Variants in ASPRV1 observed in about 807,000 individuals in gnomAD.
The protein encoded by ASPRV1 is retroviral-like aspartic protease 1.
Under a neutral mutation model 11.0 loss-of-function variants are expected in ASPRV1, and 7 were observed. The ratio of observed to expected loss-of-function variants is 0.64; its 90% CI spans 0.36 to 1.20. The LOEUF (loss-of-function observed/expected upper bound fraction) is 1.20, where lower values mean the gene tolerates loss of function less well. Ranked by LOEUF, ASPRV1 falls within the 50% of genes most tolerant of loss-of-function variation. ASPRV1 has a pLI of 0.02. For missense variants in ASPRV1, 299 were observed against 320.0 expected, an observed-to-expected ratio of 0.93 and a Z score of 0.50; for synonymous variants, 136 against 138.4, an observed-to-expected ratio of 0.98 and a Z score of 0.12.
chr2:70,055,446 G>A, the ASPRV1 span, among the ~76,000 whole-genome samples: 2 of 152,296 alleles, frequency 1.3e-5, no homozygotes, highest in East Asian at 3.9e-4. Flanking sequence ...GGAATACTAT[G>A]CAGCCATAAA....
chr2:70,007,638 T>G, the ASPRV1 span, among the ~76,000 whole-genome samples: 2 of 152,106 alleles, frequency 1.3e-5, no homozygotes, highest in East Asian at 3.9e-4. Context: ...ATGATACACA[T>G]GCAGAAAAGT....
upstream of ASPRV1, chr2:69,964,300 G>T (rs1159300819): frequency 2.2e-6 from 1 of 450,936 alleles, no homozygotes; most frequent in Non-Finnish European, 4.4e-6. Flanking sequence ...TGGCCCTTCG[G>T]GCTGTGTCTG....
At chr2:69,993,882 CTGTT>C in the ASPRV1 span, 1 of 152,208 alleles carries the variant, frequency 6.6e-6, no homozygotes, top group South Asian at 2.1e-4. Context: ...CCCTTCCAGG[CTGTT>C]TGTTTTGCAG....
the ASPRV1 span, chr2:69,941,862 A>G: frequency 2.7e-5 from 4 of 146,874 alleles, no homozygotes; most frequent in African/African-American, 1.0e-4. Flanking sequence ...GTATCTATAT[A>G]TACACACACA....
the ASPRV1 span, among the ~76,000 whole-genome samples, chr2:70,063,669 G>A: frequency 2.0e-5 from 3 of 152,124 alleles, no homozygotes; most frequent in Non-Finnish European, 4.4e-5. Flanking sequence ...GAAAAGTTAA[G>A]GTAGGATTTC....
chr2:70,036,175 T>C, the ASPRV1 span, among the ~76,000 whole-genome samples: 44 of 151,584 alleles, frequency 2.9e-4, no homozygotes, highest in Admixed American at 7.2e-4. Flanking sequence ...AGTGAAGAGG[T>C]GGGCAGAAAA....
the ASPRV1 span, among the ~76,000 whole-genome samples, chr2:70,065,568 G>T: frequency 6.6e-6 from 1 of 152,062 alleles, no homozygotes; most frequent in South Asian, 2.1e-4. Flanking sequence ...TCATTAGATA[G>T]TCAAGGGAAG....
At chr2:70,022,725 T>C in the ASPRV1 span, among the ~76,000 whole-genome samples, 2 of 152,064 alleles carry the variant, frequency 1.3e-5, no homozygotes, top group East Asian at 1.9e-4. Context: ...TTGGAGGTAA[T>C]GGATAAGTTT....
the ASPRV1 span, chr2:70,049,932 A>C: frequency 4.6e-5 from 7 of 152,226 alleles, no homozygotes; most frequent in African/African-American, 1.4e-4. Context: ...AACAGATTAA[A>C]GGTTCTTGCT....
chr2:70,086,310 G>A, the ASPRV1 span: 1 of 152,230 alleles, frequency 6.6e-6, no homozygotes, highest in Non-Finnish European at 1.5e-5. Context: ...TAAGGAACAG[G>A]GGAGGCGGAG....
chr2:69,965,998 C>T (rs907008308), upstream of ASPRV1, among the ~76,000 whole-genome samples: 12 of 152,196 alleles, frequency 7.9e-5, no homozygotes, highest in African/African-American at 2.7e-4. Context: ...CCCCTCTAAC[C>T]AAAGTGGCCC....
At chr2:69,984,829 G>C in the ASPRV1 span, among the ~76,000 whole-genome samples, 263 of 150,428 alleles carry the variant, frequency 1.7e-3, no homozygotes, top group African/African-American at 6.0e-3. Context: ...ATGTTGGACA[G>C]GCTGGTCTCA....
the ASPRV1 span, among the ~76,000 whole-genome samples, chr2:70,025,830 T>C: frequency 6.6e-6 from 1 of 152,208 alleles, no homozygotes; most frequent in Non-Finnish European, 1.5e-5. Context: ...CCAGGACACT[T>C]GACCAGGCAT....
chr2:70,037,792 C>A, the ASPRV1 span, among the ~76,000 whole-genome samples: 1 of 151,412 alleles, frequency 6.6e-6, no homozygotes, highest in African/African-American at 2.4e-5. Flanking sequence ...TAGTGCCATA[C>A]TTCAAAAAAA....
At chr2:69,997,477 T>A in the ASPRV1 span, among the ~76,000 whole-genome samples, 1 of 152,154 alleles carries the variant, frequency 6.6e-6, no homozygotes, top group Non-Finnish European at 1.5e-5. Context: ...CTTGTCCAAG[T>A]CAGCACCTGT....
upstream of ASPRV1, chr2:69,962,941 G>A (rs1298777819): frequency 4.0e-5 from 11 of 272,520 alleles, no homozygotes; most frequent in Non-Finnish European, 7.5e-5. Flanking sequence ...CCAAACAGGA[G>A]TGATTAAGGA....
the ASPRV1 span, among the ~76,000 whole-genome samples, chr2:69,951,446 A>AGT: frequency 0.047 from 5,092 of 107,274 alleles, 132 homozygotes; most frequent in East Asian, 0.056. Flanking sequence ...AAAAAAAGTG[A>AGT]GTGTGTGTGT....
At chr2:70,056,616 A>AAG in the ASPRV1 span, 1 of 151,010 alleles carries the variant, frequency 6.6e-6, no homozygotes, top group African/African-American at 2.4e-5. Context: ...AAAAAAAAAA[A>AAG]AAAAAAAAAG....
chr2:69,964,217 G>A (rs1678254541), upstream of ASPRV1: 5 of 347,920 alleles, frequency 1.4e-5, no homozygotes, highest in Admixed American at 3.9e-5. Context: ...TCTCACCAAG[G>A]AGCCCAAGCC....
Sources: allele counts gnomAD v4.1 joint callset (sites outside exome capture counted in the v4.1 genomes callset), GRCh38; gene constraint gnomAD v4.1.1; transcripts MANE v1.5; gene names NCBI Gene and HGNC (gene_info 2026-07-23, HGNC 2026-07-21).